PDZD2: variants seen among roughly 807,000 people sequenced by gnomAD.
PDZD2 encodes the protein PDZ domain containing 2.
Under a neutral mutation model 220.7 loss-of-function variants are expected in PDZD2, and 90 were observed. The ratio of observed to expected loss-of-function variants is 0.41; its 90% CI spans 0.34 to 0.49. The LOEUF is 0.49. Among genes scored for constraint, PDZD2 ranks in the 20% least tolerant of loss-of-function variants. The probability of loss-of-function intolerance (pLI) is 0.28; values close to 1 mark genes in which losing one functional copy is unlikely to be tolerated. For missense variants in PDZD2, 3,174 were observed against 3,608.5 expected (o/e 0.88, Z 3.08); for synonymous variants, 1,375 against 1,450.5 (o/e 0.95, Z 1.18).
At chr5:31,821,997 A>T (rs1005508621) in intron 2 of PDZD2, among the ~76,000 whole-genome samples, 16 of 152,114 alleles carry the variant, frequency 1.1e-4, no homozygotes, top group African/African-American at 3.9e-4. Context: ...TTCTAGTTTC[A>T]TCCATGTCCC....
rs1290818828 is a variant in PDZD2, at chr5:31,639,400, C to T, written c.-398C>T. ...CGGGCGGCGCCTGGGTCTGGACGCG[C>T]GAGGAAGCCGCGGGAGCCTCGGCCA... is the stretch of plus-strand genomic sequence containing the variant. On this transcript the variant is annotated 5_prime_UTR_variant, in exon 1 of 25. Coordinates refer to ENST00000438447, the MANE Select transcript of PDZD2 (RefSeq NM_178140.4). This position sits in a 1 kb window ranked among gnomAD's most constrained non-coding sequence, Gnocchi z 4.1. 2 of 151,232 alleles carry T rather than the reference C, an allele frequency of 1.3e-5. No homozygotes were observed. The highest frequency in any genetic ancestry group is 1.3e-4 in the Admixed American group (2 of 15,176). 9.4% of individuals were successfully genotyped at this position (151,232 alleles called of 1,614,324 possible).
chr5:31,965,853 C>G (rs1748698476), intron 2 of PDZD2, among the ~76,000 whole-genome samples: 1 of 152,056 alleles, frequency 6.6e-6, no homozygotes, highest in Admixed American at 6.5e-5. Context: ...GAGCCTGGAT[C>G]GCACCATTGC....
At chr5:31,924,652 G>A (rs1377631529) in intron 2 of PDZD2, among the ~76,000 whole-genome samples, 4 of 152,146 alleles carry the variant, frequency 2.6e-5, no homozygotes, top group Admixed American at 6.5e-5. Context: ...TAGAGGAGAC[G>A]CTTGTTAATT....
intron 8 of PDZD2, among the ~76,000 whole-genome samples, chr5:32,050,928 T>G (rs1404192488): frequency 6.6e-6 from 1 of 152,200 alleles, no homozygotes; most frequent in Non-Finnish European, 1.5e-5. Flanking sequence ...TCCAATATGG[T>G]AGCCGTATAT....
chr5:32,098,679 G>GA lies in PDZD2; in HGVS notation c.8218+48dup, dbSNP rs1485630098. On this transcript the variant is annotated intron_variant, in intron 23 of 24. Transcript: ENST00000438447. The surrounding 1 kb of genome is among the most constrained non-coding windows in gnomAD (Gnocchi z 4.1). ...AACCAGCAGGCTGTGAGCTACTGCA[G>GA]AAAGAGGAGATTCTGGTTGAACATG... The GA allele has an allele frequency of 6.5e-6, 10 of 1,546,990 alleles. No homozygotes were observed. The highest frequency in any genetic ancestry group is 8.8e-6 in the Non-Finnish European group (10 of 1,139,434).
At chr5:31,814,043 A>G (rs1755284194) in intron 2 of PDZD2, among the ~76,000 whole-genome samples, 1 of 152,204 alleles carries the variant, frequency 6.6e-6, no homozygotes, top group South Asian at 2.1e-4. Context: ...GATTTTTAAA[A>G]AAGAATATTT....
At chr5:31,677,114 T>C (rs2150121193) in intron 1 of PDZD2, among the ~76,000 whole-genome samples, 1 of 152,054 alleles carries the variant, frequency 6.6e-6, no homozygotes, top group East Asian at 1.9e-4. Context: ...AAATGAAAAG[T>C]GGTTCATGGC....
chr5:31,669,124 T>C (rs75931609), intron 1 of PDZD2, among the ~76,000 whole-genome samples: 2,318 of 152,232 alleles, frequency 0.015, 51 homozygotes, highest in African/African-American at 0.053. Context: ...CAAATAATTA[T>C]CCAGGCCATG....
In PDZD2 at chr5:31,789,419, C is replaced by CCCCT. The variant is rs570606373; in HGVS notation, c.-360-9469_-360-9466dup. Reference sequence around the variant, plus strand: ...GGGAACTAGAATTCTCTGCCACAGTCCCCTTCTTTGGTTACTGAGACATAC... The same window carrying CCCCT: ...GGGAACTAGAATTCTCTGCCACAGTCCCCTCCCTTCTTTGGTTACTGAGACATAC... On this transcript the variant is annotated intron_variant, in intron 1 of 24. Transcript: ENST00000438447. Among the ~76,000 whole-genome samples, 171 of 152,318 alleles carry CCCCT rather than the reference C, an allele frequency of 1.1e-3. 7 individuals are homozygous for CCCCT. In the South Asian group the frequency reaches 0.034, roughly 30 times the overall value.
chr5:31,668,976 G>A (rs983610898), intron 1 of PDZD2, among the ~76,000 whole-genome samples: 1 of 151,900 alleles, frequency 6.6e-6, no homozygotes, highest in Non-Finnish European at 1.5e-5. Flanking sequence ...GTGGGTCACT[G>A]GTAAAAGCAA....
Position 32,098,659 on chromosome 5 carries a change from G to C in PDZD2, c.8218+25G>C. ...GGTAAGATGATCATTTCAACAACCAGCAGGCTGTGAGCTACTGCAGAAAGA... is the reference window on the plus strand; with the variant it reads ...GGTAAGATGATCATTTCAACAACCACCAGGCTGTGAGCTACTGCAGAAAGA... On this transcript the variant is annotated intron_variant, in intron 23 of 24. Transcript: ENST00000438447. The surrounding 1 kb of genome is among the most constrained non-coding windows in gnomAD (Gnocchi z 4.1). 2 of 1,599,464 alleles carry C rather than the reference G, an allele frequency of 1.3e-6. No individual in the cohort carries two copies. The highest frequency in any genetic ancestry group is 1.7e-6 in the Non-Finnish European group (2 of 1,171,462).
At chr5:31,840,328 C>T (rs780152369) in intron 2 of PDZD2, among the ~76,000 whole-genome samples, 10 of 147,648 alleles carry the variant, frequency 6.8e-5, no homozygotes, top group Non-Finnish European at 1.5e-4. Flanking sequence ...AGTTTAATTA[C>T]AATGGGCCTT....
intron 18 of PDZD2, among the ~76,000 whole-genome samples, chr5:32,076,123 T>C (rs1377377430): frequency 6.6e-6 from 1 of 151,906 alleles, no homozygotes; most frequent in Non-Finnish European, 1.5e-5. Flanking sequence ...CCGTCTCTAC[T>C]GAAAATACAA....
chr5:31,816,067 T>A (rs956827392), intron 2 of PDZD2, among the ~76,000 whole-genome samples: 1 of 151,922 alleles, frequency 6.6e-6, no homozygotes, highest in African/African-American at 2.4e-5. Flanking sequence ...GGTAGGCAGA[T>A]CACGAGGTCA....
intron 2 of PDZD2, among the ~76,000 whole-genome samples, chr5:31,864,326 C>T (rs1234288821): frequency 6.6e-6 from 1 of 152,220 alleles, no homozygotes; most frequent in Admixed American, 6.5e-5. Context: ...TGCACTCTGC[C>T]TGTCTCCGGT....
At chr5:31,640,172 C>T (rs1459076685) in intron 1 of PDZD2, among the ~76,000 whole-genome samples, 3 of 152,180 alleles carry the variant, frequency 2.0e-5, no homozygotes, top group Non-Finnish European at 4.4e-5. Context: ...CATTAAAGCG[C>T]AAGGCTGAAT....
chr5:31,974,208 C>T (rs1012397724), intron 2 of PDZD2, among the ~76,000 whole-genome samples: 10 of 152,040 alleles, frequency 6.6e-5, no homozygotes, highest in South Asian at 4.1e-4. Flanking sequence ...CTCTAACTCC[C>T]GACCTCAGGT....
At chr5:31,662,029 G>A (rs1224771917) in intron 1 of PDZD2, among the ~76,000 whole-genome samples, 6 of 152,052 alleles carry the variant, frequency 3.9e-5, no homozygotes, top group Admixed American at 6.6e-5. Flanking sequence ...TCCTAAAGTC[G>A]GCTGGGCGTG....
Position 32,048,643 on chromosome 5 carries a change from C to T in PDZD2, c.1624C>T (p.His542Tyr). 6.2e-7 allele frequency: 1 copy of T among 1,614,124 alleles called. No individual in the cohort carries two copies. ...GGAGGTCTCCCGAGATGGCCGGAAA[C>T]ACTCCCTCCCGCAGCTGCTGGACTC... Reference protein sequence around the residue: ...MLEVSRDGRKHSLPQLLDSSS... With the variant: ...MLEVSRDGRKYSLPQLLDSSS... The change falls in exon 8 of 25, where the codon CAC becomes TAC. Residue 542 changes from histidine (H) to tyrosine (Y), a missense_variant. Transcript: ENST00000438447.
Sources: allele counts gnomAD v4.1 joint callset (sites outside exome capture counted in the v4.1 genomes callset), GRCh38; gene constraint gnomAD v4.1.1; non-coding constraint Gnocchi (gnomAD v3.1); transcripts MANE v1.5; gene names NCBI Gene and HGNC (gene_info 2026-07-23, HGNC 2026-07-21).